Variants in CCSER1 observed in about 807,000 individuals in gnomAD.
The protein encoded by CCSER1 is coiled-coil serine rich protein 1.
In CCSER1, 41 loss-of-function variants were observed where a neutral mutation model predicts 82.0. That is an observed-to-expected ratio of 0.50 (90% confidence interval 0.39 to 0.65). The LOEUF (loss-of-function observed/expected upper bound fraction) is 0.65, where lower values mean the gene tolerates loss of function less well. Ranked by LOEUF, CCSER1 falls within the 30% of genes least tolerant of loss-of-function variation. CCSER1 has a pLI of 0.00. For synonymous variants in CCSER1, 414 were observed against 383.9 expected, an observed-to-expected ratio of 1.08 and a Z score of -0.92; for missense variants, 1,119 against 1,064.2, an observed-to-expected ratio of 1.05 and a Z score of -0.72.
chr4:90,932,753 G>T (rs1361998148), intron 9 of CCSER1, among the ~76,000 whole-genome samples: 3 of 145,950 alleles, frequency 2.1e-5, no homozygotes, highest in South Asian at 2.2e-4. Context: ...GCTTGAACCC[G>T]AGAGGCAGAG....
intron 3 of CCSER1, among the ~76,000 whole-genome samples, chr4:90,338,949 T>C (rs976064652): frequency 6.6e-6 from 1 of 152,220 alleles, no homozygotes; most frequent in Non-Finnish European, 1.5e-5. Context: ...GAGCTTAGTT[T>C]CTACAAGGAG....
intron 1 of CCSER1, among the ~76,000 whole-genome samples, chr4:90,240,847 T>C (rs1427602780): frequency 2.0e-5 from 3 of 152,198 alleles, no homozygotes; most frequent in Admixed American, 2.0e-4. Context: ...AGGCCTGTGC[T>C]TATTTTTCAC....
intron 5 of CCSER1, among the ~76,000 whole-genome samples, chr4:90,551,706 C>CTCTCTCTCTATATATATATATATA: frequency 1.6e-4 from 17 of 104,226 alleles, no homozygotes; most frequent in African/African-American, 6.4e-4. Context: ...CTCTCTCTCT[C>CTCTCTCTCTATATATATATATATA]TATATATATA....
intron 1 of CCSER1, among the ~76,000 whole-genome samples, chr4:90,277,862 A>G (rs939589279): frequency 6.6e-6 from 1 of 152,204 alleles, no homozygotes; most frequent in Non-Finnish European, 1.5e-5. Context: ...GAGCTTCTGC[A>G]CAGCAAGAGA....
At chr4:90,158,322 AG>A (rs1468082211) in intron 1 of CCSER1, among the ~76,000 whole-genome samples, 1 of 152,166 alleles carries the variant, frequency 6.6e-6, no homozygotes, top group Non-Finnish European at 1.5e-5. Context: ...CTCGGGGGTC[AG>A]GGGTCAGGGA....
At chr4:90,660,058 G>A (rs1167770472) in intron 6 of CCSER1, among the ~76,000 whole-genome samples, 17 of 151,524 alleles carry the variant, frequency 1.1e-4, no homozygotes, top group African/African-American at 9.7e-5. Flanking sequence ...CAGAAAAAGG[G>A]GAACACTTAT....
At chr4:90,973,124 C>A (rs369868598) in intron 9 of CCSER1, among the ~76,000 whole-genome samples, 1 of 151,314 alleles carries the variant, frequency 6.6e-6, no homozygotes, top group Admixed American at 6.6e-5. Flanking sequence ...GGACATGACC[C>A]CTAAAGTACA....
chr4:90,191,979 A>C (rs1735712194), intron 1 of CCSER1, among the ~76,000 whole-genome samples: 1 of 152,090 alleles, frequency 6.6e-6, no homozygotes, highest in Non-Finnish European at 1.5e-5. Context: ...CAACATATAA[A>C]AGACTTCATA....
chr4:90,647,541 A>G (rs910346654), intron 6 of CCSER1, among the ~76,000 whole-genome samples: 2 of 152,320 alleles, frequency 1.3e-5, no homozygotes, highest in African/African-American at 4.8e-5. Flanking sequence ...CCCCAAAAGC[A>G]TGCTATGTAT....
At chr4:91,528,798 A>G (rs1486777830) in intron 10 of CCSER1, among the ~76,000 whole-genome samples, 1 of 152,166 alleles carries the variant, frequency 6.6e-6, no homozygotes, top group Non-Finnish European at 1.5e-5. Context: ...GAAGTTTCCC[A>G]TAAAAATAAT....
intron 10 of CCSER1, among the ~76,000 whole-genome samples, chr4:91,159,547 A>G (rs1731163419): frequency 6.6e-6 from 1 of 151,978 alleles, no homozygotes; most frequent in Non-Finnish European, 1.5e-5. Context: ...GTATTATTGG[A>G]TCACAGTTGA....
At chr4:90,614,844 G>A (rs1720896970) in intron 5 of CCSER1, among the ~76,000 whole-genome samples, 1 of 152,168 alleles carries the variant, frequency 6.6e-6, no homozygotes, top group South Asian at 2.1e-4. Flanking sequence ...TGGCTACACT[G>A]GCAAACAGAT....
chr4:91,376,064 A>T (rs1750388443), intron 10 of CCSER1, among the ~76,000 whole-genome samples: 1 of 152,162 alleles, frequency 6.6e-6, no homozygotes, highest in Non-Finnish European at 1.5e-5. Flanking sequence ...GGAAAACATA[A>T]AACTTTAGAT....
intron 3 of CCSER1, among the ~76,000 whole-genome samples, chr4:90,374,494 T>A (rs1042342652): frequency 6.6e-6 from 1 of 152,186 alleles, no homozygotes; most frequent in Non-Finnish European, 1.5e-5. Context: ...AATAATCTTG[T>A]GAGTGAGGCC....
intron 10 of CCSER1, among the ~76,000 whole-genome samples, chr4:91,369,978 C>T (rs547240535): frequency 5.2e-4 from 79 of 152,060 alleles, no homozygotes; most frequent in Middle Eastern, 3.4e-3. Context: ...CTGTGCCCAG[C>T]CAGTCAGTAG....
chr4:91,140,421 C>T (rs759680243), intron 10 of CCSER1, among the ~76,000 whole-genome samples: 12 of 151,958 alleles, frequency 7.9e-5, no homozygotes, highest in African/African-American at 2.9e-4. Flanking sequence ...AGCTCTTGGT[C>T]TTCCAGATTT....
At chr4:90,273,776 C>G (rs553036230) in intron 1 of CCSER1, among the ~76,000 whole-genome samples, 1 of 152,008 alleles carries the variant, frequency 6.6e-6, no homozygotes, top group Non-Finnish European at 1.5e-5. Flanking sequence ...CTCTTCTGCA[C>G]CACACCAGAA....
intron 7 of CCSER1, among the ~76,000 whole-genome samples, chr4:90,736,461 C>G (rs532828244): frequency 4.6e-5 from 7 of 151,960 alleles, no homozygotes; most frequent in Admixed American, 3.9e-4. Flanking sequence ...ATATAATGAC[C>G]TTCTTTGTGT....
At chr4:90,329,289 A>G (rs866284227) in intron 3 of CCSER1, among the ~76,000 whole-genome samples, 2 of 152,200 alleles carry the variant, frequency 1.3e-5, no homozygotes, top group Non-Finnish European at 2.9e-5. Context: ...GAAGATAATA[A>G]TAATACTGCC....
Sources: allele counts gnomAD v4.1 joint callset (sites outside exome capture counted in the v4.1 genomes callset), GRCh38; gene constraint gnomAD v4.1.1; transcripts MANE v1.5; gene names NCBI Gene and HGNC (gene_info 2026-07-23, HGNC 2026-07-21).